EYA4: variants seen among roughly 807,000 people sequenced by gnomAD.
EYA4 encodes EYA transcriptional coactivator and phosphatase 4.
In EYA4, 31 loss-of-function variants were observed where a neutral mutation model predicts 87.9. The ratio of observed to expected loss-of-function variants is 0.35; its 90% CI spans 0.27 to 0.48. The LOEUF (loss-of-function observed/expected upper bound fraction) is 0.48. Ranked by LOEUF, EYA4 falls within the 20% of genes least tolerant of loss-of-function variation. The pLI, the probability that EYA4 is intolerant of heterozygous loss-of-function variation, is 0.99. For synonymous variants in EYA4, 263 were observed against 270.6 expected (o/e 0.97, Z 0.28); for missense variants, 678 against 761.4 (o/e 0.89, Z 1.29).
rs192784116 is a variant in EYA4, at chr6:133,483,475, A to G, written c.1191+360A>G. Among the ~76,000 whole-genome samples the G allele has an allele frequency of 5.4e-3, 775 of 143,474 alleles. 5 individuals are homozygous for G. Among genetic ancestry groups the G allele is most frequent in the African/African-American group, 0.019 (761 of 41,124 alleles). 94.1% of individuals were successfully genotyped at this position (143,474 alleles called of 152,430 possible). A position where few individuals can be genotyped will look rare whatever the true frequency, so the allele number is the denominator to read the frequency against. Reference sequence around the variant, plus strand: ...AAAAGAGCTTTAAGAAATTGTTTAAATTAATTTGTTGCAATTTTATAGCAA... The same window carrying G: ...AAAAGAGCTTTAAGAAATTGTTTAAGTTAATTTGTTGCAATTTTATAGCAA... On this transcript the variant is annotated intron_variant, in intron 13 of 19. Coordinates refer to ENST00000355286, the MANE Select transcript of EYA4 (RefSeq NM_004100.5).
chr6:133,297,098 G>T (rs1179468653), intron 2 of EYA4, among the ~76,000 whole-genome samples: 1 of 152,140 alleles, frequency 6.6e-6, no homozygotes, highest in Non-Finnish European at 1.5e-5. Flanking sequence ...TCCTCAATAT[G>T]TAATGCTCTT....
At chr6:133,264,158 A>G (rs1019473397) in intron 1 of EYA4, among the ~76,000 whole-genome samples, 7 of 152,184 alleles carry the variant, frequency 4.6e-5, no homozygotes, top group African/African-American at 1.7e-4. Context: ...AATGGCGAGA[A>G]CAATGGAACA....
intron 3 of EYA4, among the ~76,000 whole-genome samples, chr6:133,429,125 C>T (rs999330029): frequency 1.3e-5 from 2 of 151,570 alleles, no homozygotes; most frequent in African/African-American, 2.4e-5. Flanking sequence ...CGGGGTTTCA[C>T]CATGTCAGTC....
chr6:133,258,271 C>T (rs928406754), intron 1 of EYA4, among the ~76,000 whole-genome samples: 1 of 152,154 alleles, frequency 6.6e-6, no homozygotes, highest in African/African-American at 2.4e-5. Context: ...ACATCTCTAC[C>T]ACCTGATGTC....
At chr6:133,385,440 T>TGTGTGTGTGTGAGA (rs1198712820) in intron 3 of EYA4, among the ~76,000 whole-genome samples, 1 of 103,968 alleles carries the variant, frequency 9.6e-6, no homozygotes, top group African/African-American at 3.5e-5. Flanking sequence ...TGTGTGTGTG[T>TGTGTGTGTGTGAGA]GAGAGAGAGA....
chr6:133,377,351 A>C (rs1785779087), intron 2 of EYA4, among the ~76,000 whole-genome samples: 1 of 151,996 alleles, frequency 6.6e-6, no homozygotes, highest in Admixed American at 6.6e-5. Flanking sequence ...TTTTACACTA[A>C]CAGCACATCT....
intron 1 of EYA4, among the ~76,000 whole-genome samples, chr6:133,274,142 T>C (rs1776970893): frequency 6.6e-6 from 1 of 152,198 alleles, no homozygotes; most frequent in Admixed American, 6.5e-5. Flanking sequence ...TATCTCACCA[T>C]AGTGTATTAC....
At chr6:133,435,543 C>T (rs540855552) in intron 3 of EYA4, 3 of 152,280 alleles carry the variant, frequency 2.0e-5, no homozygotes, top group South Asian at 2.1e-4. Flanking sequence ...CACTGTGCCG[C>T]GGAGAGGAGC....
At chr6:133,377,559 C>G (rs1470455289) in intron 2 of EYA4, among the ~76,000 whole-genome samples, 1 of 121,848 alleles carries the variant, frequency 8.2e-6, no homozygotes, top group Non-Finnish European at 1.6e-5. Context: ...TTGTTTTTCA[C>G]ATTAGTTTTT....
intron 2 of EYA4, among the ~76,000 whole-genome samples, chr6:133,312,977 G>A (rs1185378922): frequency 6.6e-6 from 1 of 151,972 alleles, no homozygotes; most frequent in Non-Finnish European, 1.5e-5. Flanking sequence ...GAGGGGTTTA[G>A]GATTAAGTGT....
intron 2 of EYA4, among the ~76,000 whole-genome samples, chr6:133,280,981 T>C (rs1157764744): frequency 6.6e-6 from 1 of 152,154 alleles, no homozygotes; most frequent in African/African-American, 2.4e-5. Context: ...ATGAGAACTT[T>C]TGTGGCTTGC....
chr6:133,481,429 G>A (rs1225326973), intron 11 of EYA4, 34 bp from the exon 12 acceptor site: 1 of 1,604,372 alleles, frequency 6.2e-7, no homozygotes, highest in East Asian at 2.2e-5. Context: ...TAAAAATGAA[G>A]TGCTATTCTT....
At chr6:133,337,049 C>T (rs1045530827) in intron 2 of EYA4, among the ~76,000 whole-genome samples, 2 of 152,168 alleles carry the variant, frequency 1.3e-5, no homozygotes, top group Non-Finnish European at 2.9e-5. Context: ...TCCCAATCTG[C>T]GAAATTCTCC....
At position 133,498,796 on chromosome 6, in the gene EYA4, A is replaced by T. The variant is rs535108244; in HGVS notation, c.1192-7310A>T. The stretch of plus-strand genomic sequence containing the variant: ...AATCAAAGACAGTGACATATCTCGA[A>T]CTCTTCCCTAGGGAATTGGGGAATC... On this transcript the variant is annotated intron_variant, in intron 13 of 19. Coordinates refer to ENST00000355286, the MANE Select transcript of EYA4 (RefSeq NM_004100.5). 5.3e-5 allele frequency among the ~76,000 whole-genome samples: 8 copies of T among 152,184 alleles called. No individual in the cohort carries two copies. In the South Asian group the frequency reaches 1.5e-3, roughly 28 times the overall value.
At chr6:133,359,659 C>T (rs1784318746) in intron 2 of EYA4, among the ~76,000 whole-genome samples, 2 of 152,046 alleles carry the variant, frequency 1.3e-5, no homozygotes, top group Non-Finnish European at 2.9e-5. Context: ...TTTGACTATT[C>T]CTAATTGTAA....
intron 13 of EYA4, among the ~76,000 whole-genome samples, chr6:133,483,869 G>A (rs1008442483): frequency 2.4e-4 from 37 of 151,640 alleles, no homozygotes; most frequent in African/African-American, 9.0e-4. Context: ...GATCACAGGT[G>A]CCCGCCACCA....
chr6:133,510,926 G>A (rs1426910371), intron 14 of EYA4, among the ~76,000 whole-genome samples: 5 of 152,170 alleles, frequency 3.3e-5, no homozygotes, highest in East Asian at 1.9e-4. Flanking sequence ...AGATTGTGCC[G>A]TAAGTGGGGA....
chr6:133,347,290 C>T (rs1281520959), intron 2 of EYA4, among the ~76,000 whole-genome samples: 2 of 152,132 alleles, frequency 1.3e-5, no homozygotes, highest in Admixed American at 6.6e-5. Flanking sequence ...TTTTCCATTT[C>T]TCTTTACTAC....
chr6:133,449,530 T>G (rs2128629219), intron 5 of EYA4, among the ~76,000 whole-genome samples: 1 of 152,330 alleles, frequency 6.6e-6, no homozygotes, highest in East Asian at 1.9e-4. Flanking sequence ...GTTCTTAATG[T>G]CAGTGTTAAA....
Sources: allele counts gnomAD v4.1 joint callset (sites outside exome capture counted in the v4.1 genomes callset), GRCh38; gene constraint gnomAD v4.1.1; transcripts MANE v1.5; gene names NCBI Gene and HGNC (gene_info 2026-07-23, HGNC 2026-07-21).